Variants in DNM1 observed in about 807,000 individuals in gnomAD.
The protein encoded by DNM1 is dynamin 1.
A neutral mutation model predicts 104.6 loss-of-function variants in DNM1; 29 were observed. The observed-to-expected ratio is 0.28, with a 90% CI of 0.21 to 0.38. The LOEUF (loss-of-function observed/expected upper bound fraction) is 0.38. Among genes scored for constraint, DNM1 ranks in the 10% least tolerant of loss-of-function variants. The probability of loss-of-function intolerance (pLI) is 1.00; values close to 1 mark genes in which losing one functional copy is unlikely to be tolerated. For missense variants in DNM1, 640 were observed against 1,189.4 expected (o/e 0.54, Z 6.79); for synonymous variants, 445 against 475.8 (o/e 0.94, Z 0.84).
Position 128,224,114 on chromosome 9 carries a change from G to A in DNM1, c.1197-137G>A. The A allele has an allele frequency of 3.6e-6, 4 of 1,101,440 alleles. No homozygotes were observed. The highest frequency in any genetic ancestry group is 3.8e-6 in the Non-Finnish European group (3 of 795,656). The allele number at this position is 1,101,440 out of a possible 1,614,324, so 68.2% of individuals were successfully genotyped here. A position where few individuals can be genotyped will look rare whatever the true frequency, so the allele number is the denominator to read the frequency against. On this transcript the variant is annotated intron_variant, in intron 9 of 21. Transcript: ENST00000372923. The surrounding 1 kb of genome is among the most constrained non-coding windows in gnomAD (Gnocchi z 4.3). ...CCCCTCCCTCCCATTTTACAACTGG[G>A]GACACTGAGGCCCAGAGAGGGGTAG...
intron 19 of DNM1, 108 bp from the exon 20 acceptor site, chr9:128,250,007 C>G: frequency 1.3e-6 from 2 of 1,523,610 alleles, no homozygotes; most frequent in South Asian, 2.4e-5. Context: ...GTGTAGGAGC[C>G]GCGTCTGAAA....
rs1836567177 is a variant in DNM1 at position 128,243,891 on chromosome 9, G to C, written c.1671+1546G>C. On this transcript the variant is annotated intron_variant, in intron 15 of 21. Coordinates refer to ENST00000372923, the MANE Select transcript of DNM1 (RefSeq NM_004408.4). This position sits in a 1 kb window ranked among gnomAD's most constrained non-coding sequence, Gnocchi z 4.0. ...AAAACAGCTCTGAGAATCATATGTG[G>C]GGAGATGGGAGTCAGCTGTGGGCTG... Among the ~76,000 whole-genome samples, 1 of 152,062 alleles carries C rather than the reference G, an allele frequency of 6.6e-6. No individual in the cohort carries two copies. The highest frequency in any genetic ancestry group is 2.4e-5 in the African/African-American group (1 of 41,372).
chr9:128,206,926 G>A (rs899516709), intron 1 of DNM1, among the ~76,000 whole-genome samples: 5 of 152,050 alleles, frequency 3.3e-5, no homozygotes, highest in Admixed American at 2.6e-4. Flanking sequence ...AGACTGGTGG[G>A]GAGGCTGCTG....
chr9:128,244,337 TGTGA>T lies in DNM1; in HGVS notation c.1671+1996_1671+1999del, dbSNP rs574315806. 1.1e-3 allele frequency among the ~76,000 whole-genome samples: 168 copies of T among 152,088 alleles called. 1 individual carries two copies. Among genetic ancestry groups the T allele is most frequent in the Non-Finnish European group, 2.0e-3 (137 of 67,956 alleles). On this transcript the variant is annotated intron_variant, in intron 15 of 21. Coordinates refer to ENST00000372923, the MANE Select transcript of DNM1 (RefSeq NM_004408.4). ...TGCTCATGTGTGTGAGTTCTGGGGCTGTGAGTGTCAAGGTGCGTGTGTGTTGAAT... is the reference window on the plus strand; with the variant it reads ...TGCTCATGTGTGTGAGTTCTGGGGCTGTGTCAAGGTGCGTGTGTGTTGAAT...
rs1835059865 is a variant in DNM1, at chr9:128,222,103, C to T, written c.850-94C>T. 4.7e-6 allele frequency: 7 copies of T among 1,476,626 alleles called. No homozygotes were observed. Among genetic ancestry groups the T allele is most frequent in the Non-Finnish European group, 6.4e-6 (7 of 1,094,984 alleles). The allele number at this position is 1,476,626 out of a possible 1,614,324, so 91.5% of individuals were successfully genotyped here. Reference sequence around the variant, plus strand: ...GGCAGGGCTGCCCTCCATAGCTCTCCACCTCACCACGTTCACACAGTCCCC... The same window carrying T: ...GGCAGGGCTGCCCTCCATAGCTCTCTACCTCACCACGTTCACACAGTCCCC... On this transcript the variant is annotated intron_variant, in intron 6 of 21. Coordinates refer to ENST00000372923, the MANE Select transcript of DNM1 (RefSeq NM_004408.4). The surrounding 1 kb of genome is among the most constrained non-coding windows in gnomAD (Gnocchi z 7.8).
Position 128,223,921 on chromosome 9 carries a change from C to T in DNM1, c.1197-330C>T, listed in dbSNP as rs182297664. 4.8e-3 allele frequency: 846 copies of T among 174,896 alleles called. 4 individuals carry two copies. Among genetic ancestry groups the T allele is most frequent in the African/African-American group, 0.019 (808 of 42,246 alleles). The allele number at this position is 174,896 out of a possible 1,614,324, so 10.8% of individuals were successfully genotyped here. A position where few individuals can be genotyped will look rare whatever the true frequency, so the allele number is the denominator to read the frequency against. The stretch of plus-strand genomic sequence containing the variant: ...AAAATTAGCCGGGCGTGGTGGCAGG[C>T]GCCTGTAGTCCCAGCTACTTGGGAG... On this transcript the variant is annotated intron_variant, in intron 9 of 21. Transcript: ENST00000372923.
In DNM1 at chr9:128,224,506, G is replaced by T. The variant is rs1392746666; in HGVS notation, c.1335+117G>T. On this transcript the variant is annotated intron_variant, in intron 10 of 21. Coordinates refer to ENST00000372923, the MANE Select transcript of DNM1 (RefSeq NM_004408.4). This position sits in a 1 kb window ranked among gnomAD's most constrained non-coding sequence, Gnocchi z 4.3. ...CGGTAGCATGTACAGACCTCAGCGG[G>T]GTGGGGAGGCAGGCCACCACTGAAT... 4 of 1,015,512 alleles carry T rather than the reference G, an allele frequency of 3.9e-6. No homozygotes were observed. The highest frequency in any genetic ancestry group is 1.6e-5 in the African/African-American group (1 of 61,920). 62.9% of individuals were successfully genotyped at this position (1,015,512 alleles called of 1,614,324 possible).
At chr9:128,244,733 C>A in intron 15 of DNM1, 2 of 533,594 alleles carry the variant, frequency 3.7e-6, no homozygotes, top group South Asian at 1.4e-5. Flanking sequence ...GAGGGTCTAA[C>A]CCAGCCCAGC....
chr9:128,226,077 G>T, intron 10 of DNM1: 1 of 1,612,750 alleles, frequency 6.2e-7, no homozygotes, highest in Non-Finnish European at 8.5e-7. Context: ...AAGCCACAGT[G>T]AAAAAGCAGG....
chr9:128,213,334 G>A (rs1245405471), intron 1 of DNM1, among the ~76,000 whole-genome samples: 1 of 152,048 alleles, frequency 6.6e-6, no homozygotes, highest in Admixed American at 6.6e-5. Flanking sequence ...CACCCACCTC[G>A]GCCTCCCAAA....
intron 1 of DNM1, among the ~76,000 whole-genome samples, chr9:128,213,096 G>C (rs749433602): frequency 6.6e-6 from 1 of 152,104 alleles, no homozygotes; most frequent in Non-Finnish European, 1.5e-5. Flanking sequence ...TTGTTTGTTT[G>C]TTTGAGATAG....
chr9:128,216,268 T>C (rs1834599404), intron 1 of DNM1, among the ~76,000 whole-genome samples: 1 of 152,222 alleles, frequency 6.6e-6, no homozygotes, highest in Non-Finnish European at 1.5e-5. Flanking sequence ...GACAGCACCA[T>C]TGAATGAGGA....
intron 21 of DNM1, chr9:128,252,525 G>A (rs1308591996): frequency 2.0e-5 from 8 of 391,544 alleles, no homozygotes; most frequent in East Asian, 7.1e-5. Context: ...GGGCTGCAAC[G>A]AGGACAGCCA....
Position 128,220,058 on chromosome 9 carries a change from G to A in DNM1, c.660G>A (p.Leu220=). ...AGGGCACAGATGCCCGTGATGTGCT[G>A]GAGAACAAGCTGCTCCCCCTGCGCA... ...MDEGTDARDV[L]ENKLLPLRRG... Residue 220 remains leucine, a synonymous_variant, in exon 5 of 22, where the codon CTG becomes CTA. Coordinates refer to ENST00000372923, the MANE Select transcript of DNM1 (RefSeq NM_004408.4). The surrounding 1 kb of genome is among the most constrained non-coding windows in gnomAD (Gnocchi z 5.2). 7 of 1,611,918 alleles carry A rather than the reference G, an allele frequency of 4.3e-6. No individual in the cohort carries two copies. The highest frequency in any genetic ancestry group is 5.9e-6 in the Non-Finnish European group (7 of 1,178,844).
rs1282018597 is a variant in DNM1, at chr9:128,238,757, A to G, written c.1423-688A>G. Among the ~76,000 whole-genome samples, 4 of 146,056 alleles carry G rather than the reference A, an allele frequency of 2.7e-5. No homozygotes were observed. The East Asian group carries it at 8.4e-4, about 31-fold the overall frequency. ...TGCAAGCTCCGCCTCCTGGGCTCAC[A>G]CCATTCTCCTGCCTCAGCCTCCCAA... On this transcript the variant is annotated intron_variant, in intron 11 of 21. Transcript: ENST00000372923.
Position 128,218,873 on chromosome 9 carries a change from A to G in DNM1, c.385+142A>G, listed in dbSNP as rs189766646. The G allele has an allele frequency of 3.5e-5, 47 of 1,340,636 alleles. No individual in the cohort carries two copies. In the East Asian group the frequency reaches 1.0e-3, roughly 30 times the overall value. The allele number at this position is 1,340,636 out of a possible 1,614,324, so 83.0% of individuals were successfully genotyped here. ...CTATTCCAAGCTCCACCCTGCCGTGATTCCGCCCACTTCCGGCCACGCCTC... is the reference window on the plus strand; with the variant it reads ...CTATTCCAAGCTCCACCCTGCCGTGGTTCCGCCCACTTCCGGCCACGCCTC... On this transcript the variant is annotated intron_variant, in intron 3 of 21. Coordinates refer to ENST00000372923, the MANE Select transcript of DNM1 (RefSeq NM_004408.4). The surrounding 1 kb of genome is among the most constrained non-coding windows in gnomAD (Gnocchi z 4.8).
In DNM1 at chr9:128,219,920, T is replaced by C. The variant is rs913812581; in HGVS notation, c.590-68T>C. The C allele has an allele frequency of 4.1e-5, 52 of 1,269,350 alleles. No homozygotes were observed. In the African/African-American group the frequency reaches 6.2e-4, roughly 15 times the overall value. 78.6% of individuals were successfully genotyped at this position (1,269,350 alleles called of 1,614,324 possible). A position where few individuals can be genotyped will look rare whatever the true frequency, so the allele number is the denominator to read the frequency against. ...GCCGAGGAGAGCAGGGGGATGGGAG[T>C]GGGAGTGCATGGAATTGTGTGTGAG... On this transcript the variant is annotated intron_variant, in intron 4 of 21. Transcript: ENST00000372923.
In DNM1 at chr9:128,220,654, A is replaced by AAGACCTTG. The variant is rs1476168943; in HGVS notation, c.849+315_849+322dup. Among the ~76,000 whole-genome samples the AAGACCTTG allele has an allele frequency of 1.3e-5, 2 of 150,828 alleles. No individual in the cohort carries two copies. Among genetic ancestry groups the AAGACCTTG allele is most frequent in the Non-Finnish European group, 3.0e-5 (2 of 67,638 alleles). On this transcript the variant is annotated intron_variant, in intron 6 of 21. Transcript: ENST00000372923. This position sits in a 1 kb window ranked among gnomAD's most constrained non-coding sequence, Gnocchi z 5.2. ...GCCAGGATTCAAGTATACTCGGCTGAAGACCTTGACAGGGAATCCCAGGGG... is the reference window on the plus strand; with the variant it reads ...GCCAGGATTCAAGTATACTCGGCTGAAGACCTTGAGACCTTGACAGGGAATCCCAGGGG...
Position 128,247,983 on chromosome 9 carries a change from A to T in DNM1, c.1905+48A>T. 1 of 1,613,412 alleles carries T rather than the reference A, an allele frequency of 6.2e-7. No individual in the cohort carries two copies. Among genetic ancestry groups the T allele is most frequent in the East Asian group, 2.2e-5 (1 of 44,868 alleles). ...TCCTGCCAGGCATCTGCAGCCTGGC[A>T]CCAGCTCCAGCCAGGTTTTCAAGCA... On this transcript the variant is annotated intron_variant, in intron 18 of 21. Coordinates refer to ENST00000372923, the MANE Select transcript of DNM1 (RefSeq NM_004408.4). The surrounding 1 kb of genome is among the most constrained non-coding windows in gnomAD (Gnocchi z 5.1).
Sources: allele counts gnomAD v4.1 joint callset (sites outside exome capture counted in the v4.1 genomes callset), GRCh38; gene constraint gnomAD v4.1.1; non-coding constraint Gnocchi (gnomAD v3.1); transcripts MANE v1.5; gene names NCBI Gene and HGNC (gene_info 2026-07-23, HGNC 2026-07-21).